SORCS1: variants seen among roughly 807,000 people sequenced by gnomAD.
SORCS1 encodes VPS10 domain-containing receptor SorCS1.
In SORCS1, 60 loss-of-function variants were observed where a neutral mutation model predicts 146.1. The ratio of observed to expected loss-of-function variants is 0.41; its 90% CI spans 0.33 to 0.51. The LOEUF (loss-of-function observed/expected upper bound fraction) is 0.51. Ranked by LOEUF, SORCS1 falls within the 20% of genes least tolerant of loss-of-function variation. The pLI is 0.21. For missense variants in SORCS1, 1,352 were observed against 1,487.6 expected, an observed-to-expected ratio of 0.91 and a Z score of 1.50; for synonymous variants, 637 against 584.0, an observed-to-expected ratio of 1.09 and a Z score of -1.31.
intron 23 of SORCS1, among the ~76,000 whole-genome samples, chr10:106,605,976 C>G (rs749778397): frequency 6.6e-6 from 1 of 152,076 alleles, no homozygotes; most frequent in African/African-American, 2.4e-5. Context: ...GTTTAGTAAA[C>G]AGAAAATCTC....
intron 3 of SORCS1, among the ~76,000 whole-genome samples, chr10:106,814,914 C>CAAAAAAA (rs779366731): frequency 3.0e-5 from 2 of 66,068 alleles, no homozygotes; most frequent in African/African-American, 1.3e-4. Context: ...GACTCCATCT[C>CAAAAAAA]AAAAAAAAAA....
At chr10:107,003,376 A>G (rs372355429) in intron 1 of SORCS1, among the ~76,000 whole-genome samples, 1 of 152,068 alleles carries the variant, frequency 6.6e-6, no homozygotes, top group Non-Finnish European at 1.5e-5. Flanking sequence ...ATATTTATGT[A>G]TAGCCAAAGT....
chr10:106,983,221 T>C (rs1956314535), intron 1 of SORCS1, among the ~76,000 whole-genome samples: 2 of 147,180 alleles, frequency 1.4e-5, no homozygotes, highest in South Asian at 2.1e-4. Flanking sequence ...TAAATATATA[T>C]ACATATTTCT....
chr10:106,994,662 C>T (rs1049854542), intron 1 of SORCS1, among the ~76,000 whole-genome samples: 1 of 152,176 alleles, frequency 6.6e-6, no homozygotes, highest in Non-Finnish European at 1.5e-5. Flanking sequence ...GGTTCAGATT[C>T]AATTTAAATT....
At chr10:106,979,207 A>T (rs1433238825) in intron 1 of SORCS1, among the ~76,000 whole-genome samples, 1 of 152,156 alleles carries the variant, frequency 6.6e-6, no homozygotes, top group Non-Finnish European at 1.5e-5. Context: ...TATGGTTTTA[A>T]ACAAAGAGAA....
chr10:106,679,234 T>G, intron 12 of SORCS1, 22 bp downstream of exon 12: 5 of 1,592,278 alleles, frequency 3.1e-6, no homozygotes, highest in Non-Finnish European at 4.3e-6. Context: ...CTTCAGCGAT[T>G]TGACCCAGGG....
intron 17 of SORCS1, among the ~76,000 whole-genome samples, chr10:106,666,614 T>C (rs887993922): frequency 9.3e-5 from 14 of 151,048 alleles, no homozygotes; most frequent in African/African-American, 3.4e-4. Flanking sequence ...TGGAGTGCAG[T>C]GGTGCAATCC....
intron 1 of SORCS1, among the ~76,000 whole-genome samples, chr10:106,989,679 TG>T (rs143622818): frequency 0.022 from 1,791 of 82,502 alleles, 195 homozygotes; most frequent in African/African-American, 0.058. Flanking sequence ...TGTTTTTTTT[TG>T]TTTTTTTTTT....
intron 24 of SORCS1, among the ~76,000 whole-genome samples, chr10:106,592,113 C>T (rs746637767): frequency 4.6e-5 from 7 of 152,208 alleles, no homozygotes; most frequent in Non-Finnish European, 8.8e-5. Context: ...TTCTGGATAA[C>T]ATGTTTCTCA....
Position 106,954,220 on chromosome 10 carries a change from T to C in SORCS1, c.626+2293A>G, listed in dbSNP as rs11814543. Among the ~76,000 whole-genome samples the C allele has an allele frequency of 4.4e-3, 670 of 152,264 alleles. 6 individuals carry two copies. Among genetic ancestry groups the C allele is most frequent in the African/African-American group, 0.016 (648 of 41,548 alleles). ...TCTGTCCCAGTGAGACAAAACTGCA[T>C]TATCTATTAAATTTCTAATATGCAG... On this transcript the variant is annotated intron_variant, in intron 2 of 25. Coordinates refer to ENST00000263054, the MANE Select transcript of SORCS1 (RefSeq NM_052918.5).
intron 3 of SORCS1, among the ~76,000 whole-genome samples, chr10:106,825,416 C>A (rs978725785): frequency 6.6e-6 from 1 of 151,818 alleles, no homozygotes; most frequent in African/African-American, 2.4e-5. Context: ...GGACTACAGG[C>A]ACCCGCCACC....
chr10:106,780,979 T>A (rs1441400129), intron 3 of SORCS1, among the ~76,000 whole-genome samples: 1 of 73,940 alleles, frequency 1.4e-5, no homozygotes. Context: ...CACTTCTCCT[T>A]TTTTTTTTTT....
At chr10:106,806,462 A>G (rs1947183507) in intron 3 of SORCS1, among the ~76,000 whole-genome samples, 2 of 150,154 alleles carry the variant, frequency 1.3e-5, no homozygotes, top group South Asian at 2.1e-4. Flanking sequence ...ACCCATGGAT[A>G]TAAATCCTGA....
At chr10:106,696,618 T>G (rs1853723398) in intron 9 of SORCS1, among the ~76,000 whole-genome samples, 2 of 152,126 alleles carry the variant, frequency 1.3e-5, no homozygotes. Context: ...CTACAGATAG[T>G]CAACTGCAAG....
At chr10:107,168,619 T>G (rs1451600949), upstream of SORCS1, among the ~76,000 whole-genome samples, 1 of 150,838 alleles carries the variant, frequency 6.6e-6, no homozygotes, top group Admixed American at 6.6e-5. Context: ...AGATATATAC[T>G]CTATGCCAGA....
intron 2 of SORCS1, among the ~76,000 whole-genome samples, chr10:106,888,702 T>A (rs1255040261): frequency 6.6e-6 from 1 of 152,180 alleles, no homozygotes; most frequent in African/African-American, 2.4e-5. Context: ...CCAACTGGAA[T>A]GAATATCCTA....
chr10:107,077,687 A>C (rs932952617), intron 1 of SORCS1, among the ~76,000 whole-genome samples: 2 of 151,654 alleles, frequency 1.3e-5, no homozygotes, highest in African/African-American at 4.8e-5. Flanking sequence ...TCCCTGGATC[A>C]AGGCCATTAC....
intron 1 of SORCS1, among the ~76,000 whole-genome samples, chr10:107,130,766 C>T (rs1022609363): frequency 3.3e-5 from 5 of 151,314 alleles, no homozygotes; most frequent in African/African-American, 1.2e-4. Flanking sequence ...CTAGATTACT[C>T]TTTTAATTGG....
At chr10:106,869,013 C>T (rs969375974) in intron 2 of SORCS1, among the ~76,000 whole-genome samples, 2 of 152,026 alleles carry the variant, frequency 1.3e-5, no homozygotes, top group African/African-American at 4.8e-5. Flanking sequence ...GGAGGTGCTA[C>T]CACCGACCCC....
Sources: allele counts gnomAD v4.1 joint callset (sites outside exome capture counted in the v4.1 genomes callset), GRCh38; gene constraint gnomAD v4.1.1; transcripts MANE v1.5; gene names NCBI Gene and HGNC (gene_info 2026-07-23, HGNC 2026-07-21).